Variants in TRHDE observed in about 807,000 individuals in gnomAD.
TRHDE encodes thyrotropin releasing hormone degrading enzyme, also known as thyrotropin-releasing hormone-degrading ectoenzyme.
In TRHDE, 72 loss-of-function variants were observed where a neutral mutation model predicts 125.7. That is an observed-to-expected ratio of 0.57 (90% CI 0.47 to 0.70). The LOEUF (loss-of-function observed/expected upper bound fraction) is 0.70, where lower values mean the gene tolerates loss of function less well. Among genes scored for constraint, TRHDE ranks in the 30% least tolerant of loss-of-function variants. The pLI is 0.00. For missense variants in TRHDE, 1,110 were observed against 1,327.1 expected (o/e 0.84, Z 2.54); for synonymous variants, 509 against 509.1 (o/e 1.00, Z 0.00).
At chr12:72,275,259 C>A (rs1490556089) in intron 1 of TRHDE, among the ~76,000 whole-genome samples, 1 of 152,154 alleles carries the variant, frequency 6.6e-6, no homozygotes, top group Non-Finnish European at 1.5e-5. Context: ...GGGGAAATTG[C>A]AATGTGTTGT....
At chr12:72,545,531 T>C (rs1370187946) in intron 7 of TRHDE, among the ~76,000 whole-genome samples, 1 of 151,622 alleles carries the variant, frequency 6.6e-6, no homozygotes, top group Non-Finnish European at 1.5e-5. Flanking sequence ...ACAGCTGTTT[T>C]AATTTGATGG....
chr12:72,326,223 A>T lies in TRHDE; in HGVS notation c.1188+39269A>T, dbSNP rs138077379. 6.1e-3 allele frequency among the ~76,000 whole-genome samples: 934 copies of T among 152,290 alleles called. 11 individuals are homozygous for T. The highest frequency in any genetic ancestry group is 0.021 in the African/African-American group (879 of 41,564). Reference sequence around the variant, plus strand: ...AATCCTATATTTCATTCTGGCACTCACTAGACCACGTAACTTTGTTCTAAT... The same window carrying T: ...AATCCTATATTTCATTCTGGCACTCTCTAGACCACGTAACTTTGTTCTAAT... On this transcript the variant is annotated intron_variant, in intron 2 of 18. Coordinates refer to ENST00000261180, the MANE Select transcript of TRHDE (RefSeq NM_013381.3).
intron 6 of TRHDE, among the ~76,000 whole-genome samples, chr12:72,519,713 A>G (rs1343380943): frequency 6.6e-6 from 1 of 152,000 alleles, no homozygotes; most frequent in South Asian, 2.1e-4. Context: ...GGAGGAGGAG[A>G]GGTGCTCTGC....
chr12:72,515,953 G>T (rs10879437), intron 6 of TRHDE, among the ~76,000 whole-genome samples: 10,860 of 98,088 alleles, frequency 0.11, 1,390 homozygotes, highest in African/African-American at 0.28. Context: ...GATAGTTGTA[G>T]ATATGTGGCG....
chr12:72,111,524 A>G (rs147821464), intron 2 of TRHDE, among the ~76,000 whole-genome samples: 89 of 152,296 alleles, frequency 5.8e-4, no homozygotes, highest in African/African-American at 2.1e-3. Context: ...TTTGACAATT[A>G]TCTCCCTAGT....
intron 2 of TRHDE, among the ~76,000 whole-genome samples, chr12:72,327,260 T>G (rs546904382): frequency 6.6e-6 from 1 of 152,120 alleles, no homozygotes; most frequent in Non-Finnish European, 1.5e-5. Flanking sequence ...CCTTTTCTTA[T>G]TTTCCTTTAA....
At chr12:72,303,613 C>T (rs1008641863) in intron 2 of TRHDE, among the ~76,000 whole-genome samples, 6 of 152,092 alleles carry the variant, frequency 3.9e-5, no homozygotes, top group Non-Finnish European at 2.9e-5. Context: ...CTCAGAGGTA[C>T]ACCCTGGAGC....
intron 2 of TRHDE, among the ~76,000 whole-genome samples, chr12:72,321,590 G>T (rs1191710494): frequency 6.6e-6 from 1 of 152,078 alleles, no homozygotes. Context: ...GAAAGTAAAG[G>T]TGCGTTTATT....
intron 2 of TRHDE, among the ~76,000 whole-genome samples, chr12:72,127,119 G>T (rs1875732126): frequency 6.6e-6 from 1 of 152,094 alleles, no homozygotes; most frequent in Admixed American, 6.5e-5. Context: ...AATCATCAAA[G>T]AAATGCAAAT....
At chr12:72,489,951 A>G (rs953336151) in intron 5 of TRHDE, among the ~76,000 whole-genome samples, 1 of 151,906 alleles carries the variant, frequency 6.6e-6, no homozygotes, top group Admixed American at 6.6e-5. Context: ...TCTTGGTGTG[A>G]TGCACCAAAA....
chr12:72,212,206 T>G (rs927966394), intron 2 of TRHDE, among the ~76,000 whole-genome samples: 2 of 152,128 alleles, frequency 1.3e-5, no homozygotes, highest in African/African-American at 4.8e-5. Context: ...AGAATTAATG[T>G]ATTGGCTTAT....
chr12:72,285,918 C>T (rs745555499), intron 1 of TRHDE, among the ~76,000 whole-genome samples: 2 of 152,122 alleles, frequency 1.3e-5, no homozygotes, highest in Non-Finnish European at 2.9e-5. Flanking sequence ...TAATAAGATA[C>T]GGCTTGATCT....
chr12:72,110,998 T>C (rs943604559), intron 2 of TRHDE, among the ~76,000 whole-genome samples: 2 of 152,158 alleles, frequency 1.3e-5, no homozygotes, highest in Admixed American at 1.3e-4. Context: ...TTGTGAAATG[T>C]GTCGTATAGA....
At chr12:72,644,656 CTAA>C (rs1176512188) in intron 15 of TRHDE, among the ~76,000 whole-genome samples, 3 of 152,156 alleles carry the variant, frequency 2.0e-5, no homozygotes, top group African/African-American at 7.2e-5. Context: ...GGAGTTTGGA[CTAA>C]TAAGTGTCAT....
chr12:72,338,506 C>G (rs909215394), intron 2 of TRHDE, among the ~76,000 whole-genome samples: 1 of 152,132 alleles, frequency 6.6e-6, no homozygotes, highest in African/African-American at 2.4e-5. Context: ...AAGTACTTTG[C>G]CAAAAGGAGT....
intron 7 of TRHDE, among the ~76,000 whole-genome samples, chr12:72,546,325 G>A (rs1419263469): frequency 6.6e-6 from 1 of 151,640 alleles, no homozygotes. Context: ...AGAATTTAAA[G>A]CACTAAGGTT....
At chr12:72,399,684 A>G (rs958811741) in intron 3 of TRHDE, among the ~76,000 whole-genome samples, 21 of 152,184 alleles carry the variant, frequency 1.4e-4, no homozygotes, top group East Asian at 9.6e-4. Flanking sequence ...CTCAAAAATA[A>G]CTTTCTTTCA....
intron 2 of TRHDE, among the ~76,000 whole-genome samples, chr12:72,328,369 A>G (rs1869435311): frequency 6.6e-6 from 1 of 152,150 alleles, no homozygotes; most frequent in South Asian, 2.1e-4. Context: ...AATGGTTTAA[A>G]TTTAAGTTTG....
chr12:72,306,336 C>T (rs1868340854), intron 2 of TRHDE, among the ~76,000 whole-genome samples: 1 of 152,098 alleles, frequency 6.6e-6, no homozygotes, highest in Admixed American at 6.6e-5. Flanking sequence ...AGCATGATAC[C>T]TCTGTAAATC....
Sources: gnomAD v4.1 joint callset for allele counts (sites outside exome capture counted in the v4.1 genomes callset) on GRCh38, gnomAD v4.1.1 for gene constraint, MANE v1.5 for transcripts, NCBI Gene and HGNC (gene_info 2026-07-23, HGNC 2026-07-21) for gene names.